The following EGFR variants were observed in gnomAD, a reference collection of about 807,000 sequenced individuals.
EGFR encodes the protein epidermal growth factor receptor, also known as avian erythroblastic leukemia viral (v-erb-b) oncogene homolog.
Under a neutral mutation model 143.0 loss-of-function variants are expected in EGFR, and 58 were observed. The observed-to-expected ratio is 0.41, with a 90% CI of 0.33 to 0.50. The LOEUF (loss-of-function observed/expected upper bound fraction) is 0.50. Among genes scored for constraint, EGFR ranks in the 20% least tolerant of loss-of-function variants. The probability of loss-of-function intolerance (pLI) is 0.39; values close to 1 mark genes in which losing one functional copy is unlikely to be tolerated. For synonymous variants in EGFR, 613 were observed against 594.4 expected (o/e 1.03, Z -0.45); for missense variants, 1,307 against 1,579.0 (o/e 0.83, Z 2.92).
chr7:55,179,681 G>A (rs1245642421), intron 19 of EGFR: 1 of 152,188 alleles, frequency 6.6e-6, no homozygotes, highest in Non-Finnish European at 1.5e-5. Flanking sequence ...TTTACAGTTT[G>A]CCCTCCATGT....
chr7:55,032,031 A>C (rs1787278888), intron 1 of EGFR, among the ~76,000 whole-genome samples: 1 of 152,178 alleles, frequency 6.6e-6, no homozygotes, highest in Admixed American at 6.5e-5. Context: ...GAAGTTTTGC[A>C]GGCTTGGTGA....
chr7:55,084,223 A>C (rs1271570155), intron 1 of EGFR, among the ~76,000 whole-genome samples: 1 of 152,174 alleles, frequency 6.6e-6, no homozygotes, highest in Non-Finnish European at 1.5e-5. Flanking sequence ...GTATGTTTTC[A>C]TCTGGAGCTC....
At chr7:55,113,402 T>C (rs559659485) in intron 1 of EGFR, among the ~76,000 whole-genome samples, 1 of 152,292 alleles carries the variant, frequency 6.6e-6, no homozygotes, top group Non-Finnish European at 1.5e-5. Flanking sequence ...TTTCCTTCTT[T>C]TTTTTCCCAG....
At chr7:55,157,216 C>T (rs993135580) in intron 10 of EGFR, among the ~76,000 whole-genome samples, 2 of 152,234 alleles carry the variant, frequency 1.3e-5, no homozygotes, top group African/African-American at 4.8e-5. Flanking sequence ...TCTATGACTG[C>T]CGCCTGAGCT....
intron 1 of EGFR, among the ~76,000 whole-genome samples, chr7:55,141,933 T>C (rs568565399): frequency 1.4e-3 from 219 of 152,354 alleles, no homozygotes; most frequent in Middle Eastern, 3.4e-3. Flanking sequence ...AATTTTCATC[T>C]ACCACCCACC....
At chr7:55,160,020 C>A in intron 11 of EGFR, 119 bp from the exon 12 acceptor site, 2 of 1,077,600 alleles carry the variant, frequency 1.9e-6, no homozygotes, top group Non-Finnish European at 2.8e-6. Flanking sequence ...CACAGCATGA[C>A]CTACCATCAT....
chr7:55,161,726 TC>T, intron 13 of EGFR, 95 bp downstream of exon 13: 1 of 1,597,046 alleles, frequency 6.3e-7, no homozygotes, highest in African/African-American at 1.3e-5. Flanking sequence ...GATTTTCTCT[TC>T]CTTTTATTCT....
At chr7:55,192,509 G>A (rs1433040373) in intron 21 of EGFR, among the ~76,000 whole-genome samples, 2 of 152,158 alleles carry the variant, frequency 1.3e-5, no homozygotes, top group African/African-American at 4.8e-5. Context: ...TGAGGCCACT[G>A]GGCACAACCA....
chr7:55,182,987 C>A (rs979770835), intron 20 of EGFR, among the ~76,000 whole-genome samples: 1 of 152,194 alleles, frequency 6.6e-6, no homozygotes, highest in Non-Finnish European at 1.5e-5. Flanking sequence ...GGTAGCTCAA[C>A]ATAGCACAGC....
intron 1 of EGFR, among the ~76,000 whole-genome samples, chr7:55,097,250 A>C (rs545603269): frequency 6.6e-6 from 1 of 152,188 alleles, no homozygotes; most frequent in Non-Finnish European, 1.5e-5. Flanking sequence ...TACTGCCTGG[A>C]ACGCAGAATC....
chr7:55,057,832 G>A (rs1486538093), intron 1 of EGFR, among the ~76,000 whole-genome samples: 1 of 152,202 alleles, frequency 6.6e-6, no homozygotes, highest in Non-Finnish European at 1.5e-5. Flanking sequence ...CAGGCCTGAA[G>A]ATAGCCTCTG....
chr7:55,157,834 G>A lies in EGFR; in HGVS notation c.1298+81G>A, dbSNP rs967275729. ...TTAGGCTTAACAGGAGAGTTGCTAA[G>A]ATAGGGCACAGAGCTCCTGCATCTC... On this transcript the variant is annotated intron_variant, in intron 11 of 27. Transcript: ENST00000275493. The A allele has an allele frequency of 9.4e-6, 13 of 1,379,322 alleles. No individual in the cohort carries two copies. The African/African-American group carries it at 1.6e-4, about 17-fold the overall frequency. 85.4% of individuals were successfully genotyped at this position (1,379,322 alleles called of 1,614,324 possible).
chr7:55,205,159 T>G, intron 27 of EGFR, 97 bp from the exon 28 acceptor site: 1 of 1,549,416 alleles, frequency 6.5e-7, no homozygotes, highest in Non-Finnish European at 8.7e-7. Context: ...GTCATAAGTC[T>G]CCTTGTTGAG....
At chr7:55,097,923 A>T (rs1791575321) in intron 1 of EGFR, among the ~76,000 whole-genome samples, 1 of 152,080 alleles carries the variant, frequency 6.6e-6, no homozygotes, top group Non-Finnish European at 1.5e-5. Flanking sequence ...CCAAATTTTT[A>T]AAAACATGAC....
intron 15 of EGFR, 130 bp from the exon 16 acceptor site, chr7:55,171,045 A>G (rs1173754151): frequency 3.3e-6 from 5 of 1,524,436 alleles, no homozygotes; most frequent in Non-Finnish European, 4.4e-6. Flanking sequence ...CAACATCCAG[A>G]CACATAGTGA....
At chr7:55,110,103 A>C in intron 1 of EGFR, 4 of 333,324 alleles carry the variant, frequency 1.2e-5, no homozygotes, top group Non-Finnish European at 1.7e-5. Context: ...TCTTATGAGA[A>C]TTTCCAGAGA....
intron 15 of EGFR, chr7:55,170,223 A>G: frequency 6.2e-7 from 1 of 1,610,892 alleles, no homozygotes; most frequent in Non-Finnish European, 8.5e-7. Flanking sequence ...CAGAGATAGA[A>G]ACTGTTAGGA....
rs990787081 is a variant in EGFR at position 55,036,779 on chromosome 7, C to G, written c.88+17414C>G. ...AAAAATAGGTTTTGAAATACTGTAG[C>G]GACAAAGTAACATACCTCTGCTCCA... On this transcript the variant is annotated intron_variant, in intron 1 of 27. Transcript: ENST00000275493. Among the ~76,000 whole-genome samples the G allele has an allele frequency of 2.6e-5, 4 of 152,054 alleles. No individual in the cohort carries two copies. The Admixed American group carries it at 2.6e-4, about 10-fold the overall frequency.
intron 27 of EGFR, among the ~76,000 whole-genome samples, chr7:55,203,371 TACACACCACACATACATACAG>T (rs1787947194): frequency 7.6e-6 from 1 of 132,058 alleles, no homozygotes; most frequent in South Asian, 2.5e-4. Context: ...CATGCATACA[TACACACCACACATACATACAG>T]ACACACCACA....
Sources: gnomAD v4.1 joint callset for allele counts (sites outside exome capture counted in the v4.1 genomes callset) on GRCh38, gnomAD v4.1.1 for gene constraint, MANE v1.5 for transcripts, NCBI Gene and HGNC (gene_info 2026-07-23, HGNC 2026-07-21) for gene names.